MSN: variants seen among roughly 807,000 people sequenced by gnomAD.
MSN encodes the protein epididymis luminal protein 70.
In MSN, 2 loss-of-function variants were observed where a neutral mutation model predicts 48.0. That is an observed-to-expected ratio of 0.04 (90% CI 0.02 to 0.13). The LOEUF (loss-of-function observed/expected upper bound fraction) is 0.13, where lower values mean the gene tolerates loss of function less well. MSN is among the 10% of genes least tolerant of loss of function. The pLI is 1.00. For missense variants in MSN, 267 were observed against 470.1 expected, an observed-to-expected ratio of 0.57 and a Z score of 3.99; for synonymous variants, 146 against 166.9, an observed-to-expected ratio of 0.87 and a Z score of 0.97.
At chrX:65,591,863 C>T (rs1340656018) in intron 1 of MSN, among the ~76,000 whole-genome samples, 1 of 111,334 alleles carries the variant, frequency 9.0e-6, no homozygotes, top group Non-Finnish European at 1.9e-5. Context: ...GCCATCTAGA[C>T]TAGGGTCCAG....
intron 1 of MSN, among the ~76,000 whole-genome samples, chrX:65,690,396 A>G (rs906110237): frequency 9.0e-6 from 1 of 111,223 alleles, no homozygotes. Flanking sequence ...CCAGAAGGAG[A>G]TAGTAGTTAT....
intron 1 of MSN, among the ~76,000 whole-genome samples, chrX:65,590,447 G>A: frequency 9.0e-6 from 1 of 110,924 alleles, no homozygotes; most frequent in Admixed American, 9.6e-5. Flanking sequence ...GTCTTCCTTA[G>A]GGGCCAGGGT....
chrX:65,737,016 G>T, intron 9 of MSN, 91 bp downstream of exon 9: 1 of 1,148,358 alleles, frequency 8.7e-7, no homozygotes, highest in Non-Finnish European at 1.2e-6. Flanking sequence ...CTCAGACAAT[G>T]TAGTTCAGGT....
intron 1 of MSN, among the ~76,000 whole-genome samples, chrX:65,619,741 T>C (rs1186011201): frequency 9.1e-6 from 1 of 109,397 alleles, no homozygotes. Flanking sequence ...CTTTGTTCCG[T>C]TGCTGGTGAG....
chrX:65,611,348 C>T (rs748714100), intron 1 of MSN, among the ~76,000 whole-genome samples: 2 of 110,237 alleles, frequency 1.8e-5, no homozygotes, highest in East Asian at 2.8e-4. Flanking sequence ...TTAGTAGAGA[C>T]GGAATTTCAC....
chrX:65,695,492 G>A (rs776745057), intron 1 of MSN, among the ~76,000 whole-genome samples: 2 of 33,899 alleles, frequency 5.9e-5, no homozygotes, highest in South Asian at 4.1e-3. Context: ...TGGGCTACAA[G>A]ACAAAACTCT....
chrX:65,591,991 C>T (rs1249024786), intron 1 of MSN, among the ~76,000 whole-genome samples: 3 of 109,255 alleles, frequency 2.7e-5, no homozygotes, highest in Non-Finnish European at 3.8e-5. Flanking sequence ...CTGACAGCAA[C>T]GGGTTATGGC....
intron 1 of MSN, among the ~76,000 whole-genome samples, chrX:65,662,530 A>C (rs1341172866): frequency 1.8e-5 from 2 of 112,379 alleles, no homozygotes; most frequent in Non-Finnish European, 3.7e-5. Flanking sequence ...AAAAACAAAC[A>C]ATAGGAAAGA....
chrX:65,624,241 G>A (rs1260397171), intron 1 of MSN, among the ~76,000 whole-genome samples: 1 of 109,073 alleles, frequency 9.2e-6, no homozygotes, highest in African/African-American at 3.4e-5. Context: ...ACCACACCCG[G>A]CTAATTTTGT....
chrX:65,733,340 T>C, intron 7 of MSN, 60 bp downstream of exon 7: 1 of 903,843 alleles, frequency 1.1e-6, no homozygotes, highest in East Asian at 3.1e-5. Flanking sequence ...TAATGAGCAA[T>C]CATGCTATTC....
chrX:65,658,947 C>T (rs888614010), intron 1 of MSN, among the ~76,000 whole-genome samples: 10 of 107,946 alleles, frequency 9.3e-5, no homozygotes, highest in East Asian at 2.9e-4. Flanking sequence ...CGGGCTCAAG[C>T]GATTCTCCTG....
At chrX:65,667,998 G>T (rs45588031) in intron 1 of MSN, 145 bp downstream of exon 1, 54,797 of 683,893 alleles carry the variant, frequency 0.08, 2,029 homozygotes, top group Non-Finnish European at 0.1. Flanking sequence ...GAGGGGACCG[G>T]AGTGGGATCC....
upstream of MSN, among the ~76,000 whole-genome samples, chrX:65,663,320 G>A (rs1476322014): frequency 9.2e-6 from 1 of 108,935 alleles, no homozygotes; most frequent in African/African-American, 3.3e-5. Context: ...ACATACAAGT[G>A]GCCAACAAAT....
chrX:65,617,124 G>C (rs910976648), intron 1 of MSN, among the ~76,000 whole-genome samples: 1 of 106,073 alleles, frequency 9.4e-6, no homozygotes, highest in African/African-American at 3.8e-5. Flanking sequence ...TTTTATTGAG[G>C]ATTTTTGCAT....
intron 1 of MSN, among the ~76,000 whole-genome samples, chrX:65,613,719 G>A (rs2070341629): frequency 8.9e-6 from 1 of 111,985 alleles, no homozygotes; most frequent in African/African-American, 3.2e-5. Context: ...TGATGGGGTT[G>A]TTTGATTTTT....
chrX:65,595,359 C>G (rs1296780878), intron 1 of MSN, among the ~76,000 whole-genome samples: 1 of 111,947 alleles, frequency 8.9e-6, no homozygotes, highest in Non-Finnish European at 1.9e-5. Flanking sequence ...TGGCAGAGAC[C>G]GTACTGGCCA....
intron 1 of MSN, among the ~76,000 whole-genome samples, chrX:65,715,845 A>T (rs1428972875): frequency 3.6e-5 from 4 of 111,733 alleles, no homozygotes; most frequent in African/African-American, 1.3e-4. Flanking sequence ...TGCTCTGGCC[A>T]GGACTTCTAA....
chrX:65,602,192 G>C (rs1021916188), intron 1 of MSN, among the ~76,000 whole-genome samples: 1 of 112,355 alleles, frequency 8.9e-6, no homozygotes, highest in Non-Finnish European at 1.9e-5. Context: ...GCAAACTGCT[G>C]TGTTGTGCTG....
intron 8 of MSN, 53 bp downstream of exon 8, chrX:65,735,483 C>T: frequency 1.7e-6 from 2 of 1,143,040 alleles, no homozygotes; most frequent in Middle Eastern, 2.4e-4. Flanking sequence ...GGAAGCTTCT[C>T]AAAGGTGCCC....
Sources: gnomAD v4.1 joint callset for allele counts (sites outside exome capture counted in the v4.1 genomes callset) on GRCh38, gnomAD v4.1.1 for gene constraint, MANE v1.5 for transcripts, NCBI Gene and HGNC (gene_info 2026-07-23, HGNC 2026-07-21) for gene names.